TRPC4: variants seen among roughly 807,000 people sequenced by gnomAD.
TRPC4 encodes short transient receptor potential channel 4.
Under a neutral mutation model 99.4 loss-of-function variants are expected in TRPC4, and 49 were observed. The ratio of observed to expected loss-of-function variants is 0.49; its 90% CI spans 0.39 to 0.63. The LOEUF is 0.63. Among genes scored for constraint, TRPC4 ranks in the 20% least tolerant of loss-of-function variants. TRPC4 has a pLI of 0.00. For synonymous variants in TRPC4, 454 were observed against 425.9 expected, an observed-to-expected ratio of 1.07 and a Z score of -0.81; for missense variants, 898 against 1,152.9, an observed-to-expected ratio of 0.78 and a Z score of 3.20.
At chr13:37,747,917 G>C (rs1307152414) in intron 2 of TRPC4, among the ~76,000 whole-genome samples, 1 of 152,092 alleles carries the variant, frequency 6.6e-6, no homozygotes, top group Non-Finnish European at 1.5e-5. Flanking sequence ...GGTAAATAAA[G>C]TTTCCTTGGT....
chr13:37,649,753 AAAAAAAAC>A (rs1407050824), intron 8 of TRPC4, among the ~76,000 whole-genome samples: 8 of 136,026 alleles, frequency 5.9e-5, no homozygotes, highest in African/African-American at 1.8e-4. Flanking sequence ...AAAAAAAAAA[AAAAAAAAC>A]AACAACAAAG....
intron 1 of TRPC4, among the ~76,000 whole-genome samples, chr13:37,798,187 C>T (rs1405515083): frequency 2.0e-5 from 3 of 152,116 alleles, no homozygotes; most frequent in African/African-American, 7.2e-5. Flanking sequence ...AGTTTCCTCT[C>T]ATTCTAGGAG....
At chr13:37,658,649 G>T (rs767108916) in intron 6 of TRPC4, among the ~76,000 whole-genome samples, 1 of 152,146 alleles carries the variant, frequency 6.6e-6, no homozygotes, top group Non-Finnish European at 1.5e-5. Flanking sequence ...CTGTCACAAA[G>T]CCTGTGCCCC....
intron 1 of TRPC4, among the ~76,000 whole-genome samples, chr13:37,849,545 A>T (rs909907438): frequency 1.3e-5 from 2 of 152,224 alleles, no homozygotes; most frequent in Non-Finnish European, 2.9e-5. Context: ...ATGACCAAGC[A>T]GCCACTGAGT....
chr13:37,822,743 G>A (rs1958053495), intron 1 of TRPC4, among the ~76,000 whole-genome samples: 1 of 151,888 alleles, frequency 6.6e-6, no homozygotes, highest in Admixed American at 6.6e-5. Flanking sequence ...GTGTGCATGT[G>A]TCTTTATAGC....
At chr13:37,674,914 G>A (rs926233975) in intron 4 of TRPC4, among the ~76,000 whole-genome samples, 6 of 151,960 alleles carry the variant, frequency 3.9e-5, no homozygotes, top group Middle Eastern at 3.2e-3. Flanking sequence ...CAGAAAAAAT[G>A]TATTTTTAAT....
chr13:37,666,895 C>T (rs1952662412), intron 5 of TRPC4, among the ~76,000 whole-genome samples: 1 of 152,102 alleles, frequency 6.6e-6, no homozygotes, highest in South Asian at 2.1e-4. Flanking sequence ...TTTCAACTCT[C>T]AATGACTATT....
chr13:37,700,405 T>A (rs968591318), intron 3 of TRPC4, among the ~76,000 whole-genome samples: 5 of 152,110 alleles, frequency 3.3e-5, no homozygotes, highest in Middle Eastern at 3.4e-3. Context: ...CACAGAGGAG[T>A]GGCATGTTCA....
intron 2 of TRPC4, among the ~76,000 whole-genome samples, chr13:37,776,101 T>G (rs2139315462): frequency 6.6e-6 from 1 of 151,956 alleles, no homozygotes; most frequent in Middle Eastern, 3.4e-3. Context: ...AGAGAATTTT[T>G]CAGGTCTCTT....
rs180888082 is a variant in TRPC4 at position 37,854,287 on chromosome 13, G to A, written c.-28+15308C>T. On this transcript the variant is annotated intron_variant, in intron 1 of 10. Coordinates refer to ENST00000379705, the MANE Select transcript of TRPC4 (RefSeq NM_016179.4). ...AGTGGCATGACATATTTACAGTGCC[G>A]AACGAAAAATAAAATTATCCTAGAA... Among the ~76,000 whole-genome samples the A allele has an allele frequency of 1.3e-3, 199 of 152,066 alleles. 1 individual carries two copies. The highest frequency in any genetic ancestry group is 4.3e-3 in the African/African-American group (179 of 41,498).
intron 1 of TRPC4, among the ~76,000 whole-genome samples, chr13:37,787,969 G>C (rs1924377): frequency 0.53 from 81,006 of 151,752 alleles, 22,075 homozygotes; most frequent in Middle Eastern, 0.58. Flanking sequence ...ATATCGAGGG[G>C]AATGGTATAG....
intron 3 of TRPC4, among the ~76,000 whole-genome samples, chr13:37,709,166 T>C (rs1190058728): frequency 1.3e-5 from 2 of 151,932 alleles, no homozygotes; most frequent in African/African-American, 4.8e-5. Context: ...ATCACTGCAG[T>C]ATCAGCCTTA....
chr13:37,776,216 A>T (rs1452229948), intron 2 of TRPC4, among the ~76,000 whole-genome samples: 1 of 151,876 alleles, frequency 6.6e-6, no homozygotes, highest in African/African-American at 2.4e-5. Context: ...ATTTTTAGAC[A>T]TTCAAAGTAT....
At chr13:37,795,099 T>A (rs1022933613) in intron 1 of TRPC4, among the ~76,000 whole-genome samples, 2 of 152,164 alleles carry the variant, frequency 1.3e-5, no homozygotes, top group South Asian at 2.1e-4. Context: ...ATGTATTTTT[T>A]AAAAGAATTA....
At chr13:37,733,225 A>G (rs534466042) in intron 3 of TRPC4, among the ~76,000 whole-genome samples, 1 of 152,258 alleles carries the variant, frequency 6.6e-6, no homozygotes, top group South Asian at 2.1e-4. Flanking sequence ...ATGAACCAAG[A>G]CAGCACCAAT....
chr13:37,751,747 A>G (rs1443852163), intron 2 of TRPC4, among the ~76,000 whole-genome samples: 1 of 152,078 alleles, frequency 6.6e-6, no homozygotes, highest in African/African-American at 2.4e-5. Context: ...TAGAGAATTA[A>G]GAAAAATGAA....
At chr13:37,695,772 T>C (rs571538604) in intron 3 of TRPC4, among the ~76,000 whole-genome samples, 2 of 152,304 alleles carry the variant, frequency 1.3e-5, no homozygotes, top group East Asian at 3.9e-4. Flanking sequence ...ATTCCAAATA[T>C]TGAAGACACT....
intron 8 of TRPC4, among the ~76,000 whole-genome samples, chr13:37,644,697 C>T (rs891287168): frequency 2.6e-5 from 4 of 151,576 alleles, no homozygotes; most frequent in East Asian, 2.0e-4. Flanking sequence ...GGTGAAACTC[C>T]GTCTCTACTA....
chr13:37,812,677 A>G (rs1273542536), intron 1 of TRPC4, among the ~76,000 whole-genome samples: 1 of 151,840 alleles, frequency 6.6e-6, no homozygotes, highest in Non-Finnish European at 1.5e-5. Flanking sequence ...GCCTCTTGAG[A>G]GAGAGAAGGT....
Sources: gnomAD v4.1 joint callset for allele counts (sites outside exome capture counted in the v4.1 genomes callset) on GRCh38, gnomAD v4.1.1 for gene constraint, MANE v1.5 for transcripts, NCBI Gene and HGNC (gene_info 2026-07-23, HGNC 2026-07-21) for gene names.